The following KIAA1217 variants were observed in gnomAD, a reference collection of about 807,000 sequenced individuals.
KIAA1217 encodes the protein KIAA1217.
Under a neutral mutation model 163.9 loss-of-function variants are expected in KIAA1217, and 88 were observed. That is an observed-to-expected ratio of 0.54 (90% confidence interval 0.45 to 0.64). KIAA1217 has a LOEUF of 0.64. Among genes scored for constraint, KIAA1217 ranks in the 30% least tolerant of loss-of-function variants. KIAA1217 has a pLI of 0.00. For synonymous variants in KIAA1217, 903 were observed against 923.1 expected, an observed-to-expected ratio of 0.98 and a Z score of 0.39; for missense variants, 2,372 against 2,475.0, an observed-to-expected ratio of 0.96 and a Z score of 0.88.
At chr10:24,163,091 G>A (rs907615521) in intron 2 of KIAA1217, among the ~76,000 whole-genome samples, 20 of 152,202 alleles carry the variant, frequency 1.3e-4, no homozygotes, top group Admixed American at 5.2e-4. Flanking sequence ...TCAGGAAGCA[G>A]GCATCACTGG....
intron 1 of KIAA1217, among the ~76,000 whole-genome samples, chr10:23,981,256 T>G (rs1845754844): frequency 6.6e-6 from 1 of 152,220 alleles, no homozygotes; most frequent in Non-Finnish European, 1.5e-5. Context: ...TTTGAAATTA[T>G]AATACTTTAG....
intron 2 of KIAA1217, among the ~76,000 whole-genome samples, chr10:24,361,284 C>T (rs2049963194): frequency 2.0e-5 from 3 of 152,048 alleles, no homozygotes; most frequent in African/African-American, 7.2e-5. Flanking sequence ...CCTACTCAGG[C>T]TCAGGTAATC....
intron 3 of KIAA1217, among the ~76,000 whole-genome samples, chr10:24,411,814 A>G (rs189312515): frequency 2.0e-5 from 3 of 151,974 alleles, no homozygotes; most frequent in Non-Finnish European, 4.4e-5. Context: ...GAACACTAGT[A>G]TGTTTCCTTG....
intron 1 of KIAA1217, among the ~76,000 whole-genome samples, chr10:23,893,458 A>T (rs539085640): frequency 0.01 from 1,530 of 151,950 alleles, 8 homozygotes; most frequent in Non-Finnish European, 0.015. Context: ...GGATTCTTTA[A>T]TTTTTTGAAG....
At chr10:24,399,593 A>G (rs1257989105) in intron 3 of KIAA1217, among the ~76,000 whole-genome samples, 4 of 152,186 alleles carry the variant, frequency 2.6e-5, no homozygotes, top group Non-Finnish European at 5.9e-5. Context: ...TCTGTGTTGC[A>G]CTGTTCTTTT....
rs564716274 is a variant in KIAA1217 at position 24,066,455 on chromosome 10, A to T, written c.-171+59081A>T. Among the ~76,000 whole-genome samples, 4 of 152,264 alleles carry T rather than the reference A, an allele frequency of 2.6e-5. No individual in the cohort carries two copies. The East Asian group carries it at 7.7e-4, about 29-fold the overall frequency. Reference sequence around the variant, plus strand: ...GGGTTGAAAATTCTTTTCTTTAATAATGTTGAATATTGGCCCCCACTCCCT... The same window carrying T: ...GGGTTGAAAATTCTTTTCTTTAATATTGTTGAATATTGGCCCCCACTCCCT... On this transcript the variant is annotated intron_variant, in intron 2 of 18. Transcript: ENST00000376462.
At chr10:24,449,354 G>T (rs1488942967) in intron 5 of KIAA1217, 2 of 546,624 alleles carry the variant, frequency 3.7e-6, no homozygotes, top group East Asian at 1.5e-4. Flanking sequence ...TCATTGAGAG[G>T]TTATGACAAC....
At chr10:24,290,558 T>C (rs574495656) in intron 2 of KIAA1217, among the ~76,000 whole-genome samples, 36 of 151,810 alleles carry the variant, frequency 2.4e-4, no homozygotes, top group Non-Finnish European at 4.0e-4. Flanking sequence ...ATCACAATAA[T>C]GCAACAGGAA....
At chr10:24,524,879 G>T in intron 13 of KIAA1217, 115 bp downstream of exon 13, 1 of 999,358 alleles carries the variant, frequency 1.0e-6, no homozygotes, top group South Asian at 1.8e-5. Flanking sequence ...TCAGAGACAG[G>T]GTTTTGGAAG....
intron 1 of KIAA1217, among the ~76,000 whole-genome samples, chr10:23,790,372 C>CAT (rs1314942082): frequency 4.0e-5 from 3 of 75,190 alleles, no homozygotes; most frequent in Admixed American, 1.5e-4. Context: ...TATACATATA[C>CAT]ATATGTATAT....
At chr10:24,484,846 A>G (rs1365319672) in intron 6 of KIAA1217, among the ~76,000 whole-genome samples, 1 of 152,212 alleles carries the variant, frequency 6.6e-6, no homozygotes, top group Non-Finnish European at 1.5e-5. Context: ...GAGTTGTGCC[A>G]GCCCTTCGGA....
chr10:24,241,921 C>T (rs2073155899), intron 2 of KIAA1217, among the ~76,000 whole-genome samples: 1 of 152,058 alleles, frequency 6.6e-6, no homozygotes, highest in South Asian at 2.1e-4. Flanking sequence ...TGAGTAGGCT[C>T]ATCGAGGGGG....
chr10:24,324,961 A>G (rs2044675018), intron 2 of KIAA1217, among the ~76,000 whole-genome samples: 1 of 152,126 alleles, frequency 6.6e-6, no homozygotes, highest in African/African-American at 2.4e-5. Context: ...CCCCTTAGAT[A>G]CTGGCAGTGA....
chr10:23,733,254 C>G (rs1052060483), intron 1 of KIAA1217, among the ~76,000 whole-genome samples: 1 of 152,104 alleles, frequency 6.6e-6, no homozygotes, highest in Non-Finnish European at 1.5e-5. Context: ...CTCAAGTGAT[C>G]CTCCCTCCTT....
intron 15 of KIAA1217, 21 bp from the exon 16 acceptor site, chr10:24,533,049 T>C (rs2073361983): frequency 6.3e-7 from 1 of 1,595,784 alleles, no homozygotes; most frequent in Admixed American, 1.7e-5. Flanking sequence ...AACCACTATC[T>C]GTTGTTTCAA....
intron 1 of KIAA1217, among the ~76,000 whole-genome samples, chr10:23,995,190 G>A (rs1846414645): frequency 6.6e-6 from 1 of 152,082 alleles, no homozygotes. Context: ...TGTTCCTCGG[G>A]GAGATCATGG....
intron 1 of KIAA1217, chr10:23,877,275 G>T (rs1236192949): frequency 1.3e-5 from 2 of 152,000 alleles, no homozygotes; most frequent in East Asian, 1.9e-4. Context: ...GACCTCAGAA[G>T]CACAGCCATA....
chr10:24,543,245 A>G lies in KIAA1217; in HGVS notation c.3975A>G (p.Leu1325=). The part of the protein sequence containing the change: ...DKCHVSSHTR[L]TESSVHDFKT... ...GTCACGTTTCCTCTCACACTAGACT[A>G]ACAGAATCAAGCGTGCATGATTTTA... The change falls in exon 19 of 21, where the codon CTA becomes CTG. Residue 1325 remains leucine, a synonymous_variant. Coordinates refer to ENST00000376454, the MANE Select transcript of KIAA1217 (RefSeq NM_019590.5). 6.2e-7 allele frequency: 1 copy of G among 1,614,052 alleles called. No individual in the cohort carries two copies. The highest frequency in any genetic ancestry group is 8.5e-7 in the Non-Finnish European group (1 of 1,180,014).
Position 24,544,343 on chromosome 10 carries a change from C to A in KIAA1217, c.5073C>A (p.Thr1691=). 1 of 1,614,114 alleles carries A rather than the reference C, an allele frequency of 6.2e-7. No homozygotes were observed. The highest frequency in any genetic ancestry group is 8.5e-7 in the Non-Finnish European group (1 of 1,180,038). ...TGAGTCCCAAAGCCCTAGTTGATACCTCATGTTCTTCCAACAGAGATTCTG... is the reference window on the plus strand; with the variant it reads ...TGAGTCCCAAAGCCCTAGTTGATACATCATGTTCTTCCAACAGAGATTCTG... ...SEMSPKALVD[T]SCSSNRDSVA... Residue 1691 remains threonine, a synonymous_variant, in exon 19 of 21, where the codon ACC becomes ACA. Coordinates refer to ENST00000376454, the MANE Select transcript of KIAA1217 (RefSeq NM_019590.5).
Sources: gnomAD v4.1 joint callset for allele counts (sites outside exome capture counted in the v4.1 genomes callset) on GRCh38, gnomAD v4.1.1 for gene constraint, MANE v1.5 for transcripts, NCBI Gene and HGNC (gene_info 2026-07-23, HGNC 2026-07-21) for gene names.